RNF14: variants seen among roughly 807,000 people sequenced by gnomAD.
RNF14 encodes the protein ring finger protein 14.
RNF14 carries 26 observed loss-of-function variants against 52.6 expected under a neutral mutation model. The ratio of observed to expected loss-of-function variants is 0.49; its 90% CI spans 0.36 to 0.69. The LOEUF (loss-of-function observed/expected upper bound fraction) is 0.69. Among genes scored for constraint, RNF14 ranks in the 30% least tolerant of loss-of-function variants. The probability of loss-of-function intolerance (pLI) is 0.00; values close to 1 mark genes in which losing one functional copy is unlikely to be tolerated. For missense variants in RNF14, 404 were observed against 560.4 expected, an observed-to-expected ratio of 0.72 and a Z score of 2.82; for synonymous variants, 194 against 202.0, an observed-to-expected ratio of 0.96 and a Z score of 0.34.
intron 3 of RNF14, among the ~76,000 whole-genome samples, chr5:141,974,475 C>G (rs164495): frequency 6.6e-6 from 1 of 152,100 alleles, no homozygotes; most frequent in African/African-American, 2.4e-5. Flanking sequence ...ATTGTGTCTT[C>G]AATCATCCAC....
At chr5:141,972,544 T>A (rs1753875046) in intron 2 of RNF14, among the ~76,000 whole-genome samples, 1 of 152,180 alleles carries the variant, frequency 6.6e-6, no homozygotes, top group Non-Finnish European at 1.5e-5. Flanking sequence ...TCAATAGAGC[T>A]GAAGCTAAGA....
intron 4 of RNF14, among the ~76,000 whole-genome samples, chr5:141,977,347 C>T (rs997530771): frequency 4.9e-4 from 74 of 152,350 alleles, no homozygotes; most frequent in African/African-American, 1.7e-3. Flanking sequence ...GTCAGTGGCA[C>T]TACACAGAGT....
chr5:141,972,493 C>T (rs1753871934), intron 2 of RNF14, among the ~76,000 whole-genome samples: 1 of 152,144 alleles, frequency 6.6e-6, no homozygotes, highest in African/African-American at 2.4e-5. Flanking sequence ...TTCTATAATG[C>T]ACAACACAGC....
At chr5:141,955,032 C>A, upstream of RNF14, 2 of 1,614,212 alleles carry the variant, frequency 1.2e-6, no homozygotes, top group South Asian at 1.1e-5. This position sits in a 1 kb window ranked among gnomAD's most constrained non-coding sequence, Gnocchi z 5.5. Flanking sequence ...CGAAGGCAGC[C>A]ACAGACAGCC....
chr5:141,951,580 T>TG, the RNF14 span: 1 of 1,613,996 alleles, frequency 6.2e-7, no homozygotes, highest in Non-Finnish European at 8.5e-7. Flanking sequence ...GGACAGCAGC[T>TG]GGGAGATTTG....
At chr5:141,961,751 G>A (rs1753276753) in intron 1 of RNF14, among the ~76,000 whole-genome samples, 1 of 152,036 alleles carries the variant, frequency 6.6e-6, no homozygotes, top group Non-Finnish European at 1.5e-5. Context: ...GGGAAGGGTG[G>A]GGGTTCAGAG....
intron 4 of RNF14, among the ~76,000 whole-genome samples, chr5:141,976,734 G>A (rs78921695): frequency 0.024 from 3,489 of 146,908 alleles, 83 homozygotes; most frequent in African/African-American, 0.061. Context: ...TCTCTTTCCC[G>A]TCCCCCTTCC....
chr5:141,981,920 C>T (rs1027444899), intron 6 of RNF14, among the ~76,000 whole-genome samples: 1 of 151,698 alleles, frequency 6.6e-6, no homozygotes, highest in Non-Finnish European at 1.5e-5. Context: ...TTATTACTTG[C>T]TAATGTTAGC....
intron 6 of RNF14, among the ~76,000 whole-genome samples, chr5:141,981,840 G>A (rs1754811574): frequency 6.6e-6 from 1 of 150,980 alleles, no homozygotes; most frequent in South Asian, 2.1e-4. Flanking sequence ...GGACAGAGTG[G>A]GACCCTGTCT....
intron 2 of RNF14, among the ~76,000 whole-genome samples, chr5:141,971,772 C>T (rs1035922142): frequency 2.6e-5 from 4 of 151,612 alleles, no homozygotes; most frequent in South Asian, 2.1e-4. Flanking sequence ...CCTCAGCCAC[C>T]GAGTAGCTGG....
At chr5:141,974,344 C>T (rs80103350) in intron 3 of RNF14, among the ~76,000 whole-genome samples, 2,266 of 152,276 alleles carry the variant, frequency 0.015, 55 homozygotes, top group African/African-American at 0.052. Context: ...AACCTGAGAT[C>T]ATTGTGTTGG....
Position 141,973,699 on chromosome 5 carries a change from G to A in RNF14, c.111G>A (p.Arg37=). The A allele has an allele frequency of 6.2e-7, 1 of 1,611,796 alleles. No homozygotes were observed. The highest frequency in any genetic ancestry group is 8.5e-7 in the Non-Finnish European group (1 of 1,179,292). ...KAESVQGGET[R]IYLDLPQNFK... ...AGTCTGTCCAAGGTGGAGAAACCAG[G>A]ATCTATTTGGATTTGCCACAGAATT... Residue 37 remains arginine, a synonymous_variant, in exon 3 of 9, where the codon AGG becomes AGA. Coordinates refer to ENST00000394520, the MANE Select transcript of RNF14 (RefSeq NM_004290.5).
chr5:141,957,195 A>G, upstream of RNF14: 1 of 1,614,168 alleles, frequency 6.2e-7, no homozygotes, highest in Non-Finnish European at 8.5e-7. The surrounding 1 kb of genome is among the most constrained non-coding windows in gnomAD (Gnocchi z 4.3). Context: ...GGGGGTTCCC[A>G]TTGTCATAGG....
upstream of RNF14, among the ~76,000 whole-genome samples, chr5:141,965,207 G>A (rs1193993616): frequency 6.6e-6 from 1 of 152,202 alleles, no homozygotes; most frequent in African/African-American, 2.4e-5. Context: ...CTGGGATGGT[G>A]GGATGAGTTC....
upstream of RNF14, among the ~76,000 whole-genome samples, chr5:141,953,806 C>T (rs967316755): frequency 1.3e-5 from 2 of 152,204 alleles, no homozygotes; most frequent in African/African-American, 2.4e-5. Flanking sequence ...AACAGCTGGG[C>T]CATCTCCAGG....
intron 2 of RNF14, among the ~76,000 whole-genome samples, chr5:141,973,340 C>T (rs1407488042): frequency 1.3e-5 from 2 of 150,962 alleles, no homozygotes; most frequent in Admixed American, 6.6e-5. Flanking sequence ...CCGGTTCAAG[C>T]GATTCTCCTG....
At chr5:141,984,744 G>A in intron 7 of RNF14, 59 bp from the exon 8 acceptor site, 2 of 1,548,906 alleles carry the variant, frequency 1.3e-6, no homozygotes, top group African/African-American at 1.4e-5. Context: ...ATTTTGGCAT[G>A]TGCTGTCTCT....
In RNF14 at chr5:141,989,813, A is replaced by G. The variant is rs1318920156; in HGVS notation, c.*2023A>G. The G allele has an allele frequency of 6.6e-6, 1 of 152,194 alleles. No homozygotes were observed. The highest frequency in any genetic ancestry group is 2.4e-5 in the African/African-American group (1 of 41,448). The allele number at this position is 152,194 out of a possible 1,614,324, so 9.4% of individuals were successfully genotyped here. Reference sequence around the variant, plus strand: ...GTGATTTCTGTGATCAAAGAGTTCAATTCAGATTTATTCAGAAAGAGCTAC... The same window carrying G: ...GTGATTTCTGTGATCAAAGAGTTCAGTTCAGATTTATTCAGAAAGAGCTAC... On this transcript the variant is annotated 3_prime_UTR_variant, in exon 9 of 9. Transcript: ENST00000394520.
rs1754644596 is a variant in RNF14, at chr5:141,980,209, G to A, written c.921G>A (p.Val307=). 1 of 1,614,204 alleles carries A rather than the reference G, an allele frequency of 6.2e-7. No homozygotes were observed. Among genetic ancestry groups the A allele is most frequent in the Non-Finnish European group, 8.5e-7 (1 of 1,180,028 alleles). ...CCTTGGACCTGATGGCAGATGTGGT[G>A]TACTGCCCCCGGCCGTGCTGCCAGC... The part of the protein sequence containing the change: ...QSSLDLMADV[V]YCPRPCCQLP... The change falls in exon 6 of 9, where the codon GTG becomes GTA. Residue 307 remains valine, a synonymous_variant. Coordinates refer to ENST00000394520, the MANE Select transcript of RNF14 (RefSeq NM_004290.5).
Sources: gnomAD v4.1 joint callset for allele counts (sites outside exome capture counted in the v4.1 genomes callset) on GRCh38, gnomAD v4.1.1 for gene constraint, Gnocchi (gnomAD v3.1) non-coding constraint, MANE v1.5 for transcripts, NCBI Gene and HGNC (gene_info 2026-07-23, HGNC 2026-07-21) for gene names.